TASP1: variants seen among roughly 807,000 people sequenced by gnomAD.
TASP1 encodes threonine aspartase 1.
In TASP1, 16 loss-of-function variants were observed where a neutral mutation model predicts 56.6. The observed-to-expected ratio is 0.28, with a 90% CI of 0.19 to 0.43. The LOEUF (loss-of-function observed/expected upper bound fraction) is 0.43. TASP1 is among the 20% of genes least tolerant of loss of function. TASP1 has a pLI of 1.00. For synonymous variants in TASP1, 179 were observed against 184.2 expected (o/e 0.97, Z 0.23); for missense variants, 393 against 511.6 (o/e 0.77, Z 2.24).
chr20:13,360,092 C>T, the TASP1 span, among the ~76,000 whole-genome samples: 81 of 152,228 alleles, frequency 5.3e-4, 1 homozygote, highest in African/African-American at 1.9e-3. Flanking sequence ...AGGATCTGCG[C>T]CTTATCGACC....
At chr20:13,333,488 G>C in the TASP1 span, among the ~76,000 whole-genome samples, 1 of 152,174 alleles carries the variant, frequency 6.6e-6, no homozygotes, top group African/African-American at 2.4e-5. Flanking sequence ...GGAACACAGA[G>C]CTGCTCTCTC....
the TASP1 span, among the ~76,000 whole-genome samples, chr20:13,242,132 G>A: frequency 1.3e-5 from 2 of 152,182 alleles, no homozygotes; most frequent in Admixed American, 1.3e-4. Context: ...AAAAGGTCTA[G>A]GGAAGAGGGT....
intron 4 of TASP1, among the ~76,000 whole-genome samples, chr20:13,620,504 T>C (rs2048674988): frequency 6.6e-6 from 1 of 152,224 alleles, no homozygotes; most frequent in Admixed American, 6.5e-5. Flanking sequence ...TTCACATCAA[T>C]TTCAATATCT....
At chr20:13,189,773 C>G in the TASP1 span, among the ~76,000 whole-genome samples, 5 of 152,146 alleles carry the variant, frequency 3.3e-5, no homozygotes, top group Non-Finnish European at 7.4e-5. Flanking sequence ...ATAGAGTTAC[C>G]ATTCAACTCA....
intron 4 of TASP1, 136 bp from the exon 5 acceptor site, chr20:13,587,506 G>C: frequency 3.2e-6 from 2 of 631,388 alleles, no homozygotes; most frequent in Admixed American, 7.0e-5. Flanking sequence ...ATACCACCCT[G>C]ATGTTAAAAC....
At chr20:13,348,670 G>A in the TASP1 span, among the ~76,000 whole-genome samples, 15 of 152,104 alleles carry the variant, frequency 9.9e-5, no homozygotes, top group Admixed American at 2.0e-4. Context: ...GGCTCCATAG[G>A]TTTATTATGG....
the TASP1 span, among the ~76,000 whole-genome samples, chr20:13,375,279 T>A: frequency 5.6e-5 from 7 of 125,220 alleles, no homozygotes; most frequent in Non-Finnish European, 9.5e-5. Context: ...TTCCCCTCCC[T>A]GTGTTCATGC....
At chr20:13,399,814 A>G (rs1290766259) in intron 13 of TASP1, among the ~76,000 whole-genome samples, 2 of 152,188 alleles carry the variant, frequency 1.3e-5, no homozygotes, top group Non-Finnish European at 2.9e-5. Context: ...AATACTGACC[A>G]TGGATAAAAA....
At chr20:13,593,745 CCT>C (rs1274498611) in intron 4 of TASP1, among the ~76,000 whole-genome samples, 1 of 152,236 alleles carries the variant, frequency 6.6e-6, no homozygotes. Flanking sequence ...AGGCCTACTG[CCT>C]CTACAAACTC....
At chr20:13,244,118 T>C in the TASP1 span, 3 of 152,222 alleles carry the variant, frequency 2.0e-5, no homozygotes, top group South Asian at 6.2e-4. Context: ...GGTACTTTGC[T>C]ATCCTCTCTT....
chr20:13,519,799 G>C (rs190449714), intron 10 of TASP1, among the ~76,000 whole-genome samples: 1 of 152,088 alleles, frequency 6.6e-6, no homozygotes, highest in Non-Finnish European at 1.5e-5. Context: ...AGGAAATAAA[G>C]GATATTCAAT....
chr20:13,426,188 G>T (rs1019825902), intron 12 of TASP1, among the ~76,000 whole-genome samples: 4 of 152,140 alleles, frequency 2.6e-5, no homozygotes, highest in Admixed American at 1.3e-4. Context: ...GGGCCACTTG[G>T]TTGGGACTTG....
At chr20:13,285,973 G>A in the TASP1 span, among the ~76,000 whole-genome samples, 1 of 152,146 alleles carries the variant, frequency 6.6e-6, no homozygotes, top group Non-Finnish European at 1.5e-5. Context: ...GCAAAGCCAA[G>A]AACACCATTT....
rs895104821 is a variant in TASP1 at position 13,389,637 on chromosome 20, A to G, written c.*723T>C. 2.0e-5 allele frequency: 3 copies of G among 152,682 alleles called. No individual in the cohort carries two copies. Among genetic ancestry groups the G allele is most frequent in the Non-Finnish European group, 2.9e-5 (2 of 68,058 alleles). The allele number at this position is 152,682 out of a possible 1,614,324, so 9.5% of individuals were successfully genotyped here. On this transcript the variant is annotated 3_prime_UTR_variant, in exon 14 of 14. Transcript: ENST00000337743. Reference sequence around the variant, plus strand: ...TTCTCTTTACATATTCTTTCATAATATAGTCCATACAGCTCGAAGCTATGC... The same window carrying G: ...TTCTCTTTACATATTCTTTCATAATGTAGTCCATACAGCTCGAAGCTATGC...
chr20:13,254,037 G>A, the TASP1 span, among the ~76,000 whole-genome samples: 1 of 144,478 alleles, frequency 6.9e-6, no homozygotes, highest in Non-Finnish European at 1.5e-5. Flanking sequence ...GGCCAACATG[G>A]CAAAACCCCA....
At chr20:13,381,851 C>T in the TASP1 span, among the ~76,000 whole-genome samples, 4 of 152,200 alleles carry the variant, frequency 2.6e-5, no homozygotes, top group Non-Finnish European at 5.9e-5. Context: ...CTGATTTATA[C>T]ATGATTTGCG....
At chr20:13,356,688 A>G in the TASP1 span, among the ~76,000 whole-genome samples, 4 of 152,198 alleles carry the variant, frequency 2.6e-5, no homozygotes, top group Non-Finnish European at 5.9e-5. Context: ...GGCCCAAGCT[A>G]TTAAATCATG....
chr20:13,182,076 C>T, the TASP1 span, among the ~76,000 whole-genome samples: 1 of 152,168 alleles, frequency 6.6e-6, no homozygotes, highest in African/African-American at 2.4e-5. Context: ...ACAAAATACC[C>T]CATGAGCCAG....
the TASP1 span, among the ~76,000 whole-genome samples, chr20:13,336,390 C>A: frequency 6.6e-6 from 1 of 152,158 alleles, no homozygotes; most frequent in African/African-American, 2.4e-5. Context: ...CCTCTTATCT[C>A]CCAGGGATGG....
Sources: allele counts gnomAD v4.1 joint callset (sites outside exome capture counted in the v4.1 genomes callset), GRCh38; gene constraint gnomAD v4.1.1; transcripts MANE v1.5; gene names NCBI Gene and HGNC (gene_info 2026-07-23, HGNC 2026-07-21).